The following WDR64 variants were observed in gnomAD, a reference collection of about 807,000 sequenced individuals.
WDR64 encodes WD repeat domain 64.
WDR64 carries 112 observed loss-of-function variants against 139.3 expected under a neutral mutation model. That is an observed-to-expected ratio of 0.80 (90% CI 0.69 to 0.94). The LOEUF (loss-of-function observed/expected upper bound fraction) is 0.94. Among genes scored for constraint, WDR64 ranks in the 40% least tolerant of loss-of-function variants. The pLI is 0.00. For missense variants in WDR64, 1,206 were observed against 1,293.1 expected (o/e 0.93, Z 1.03); for synonymous variants, 444 against 437.7 (o/e 1.01, Z -0.18).
chr1:241,777,444 G>A (rs1658694436), intron 21 of WDR64, among the ~76,000 whole-genome samples: 1 of 148,708 alleles, frequency 6.7e-6, no homozygotes, highest in Admixed American at 6.7e-5. Flanking sequence ...TTAAAACAGA[G>A]TCTCGCTCTA....
At chr1:241,665,401 T>TA in intron 2 of WDR64, among the ~76,000 whole-genome samples, 1 of 152,220 alleles carries the variant, frequency 6.6e-6, no homozygotes, top group East Asian at 1.9e-4. Context: ...ATGGATTACC[T>TA]AGTGTTTTCT....
intron 11 of WDR64, 102 bp from the exon 12 acceptor site, chr1:241,741,414 C>A: frequency 1.1e-6 from 1 of 928,106 alleles, no homozygotes; most frequent in Non-Finnish European, 1.6e-6. Context: ...TATTGCTAAT[C>A]TCACTGTTTG....
chr1:241,800,066 C>T (rs903622040), intron 27 of WDR64, among the ~76,000 whole-genome samples: 1 of 152,082 alleles, frequency 6.6e-6, no homozygotes, highest in African/African-American at 2.4e-5. Context: ...GAAACATTTG[C>T]TGAATGAAAT....
intron 26 of WDR64, 88 bp from the exon 27 acceptor site, chr1:241,796,169 C>A: frequency 1.4e-6 from 1 of 723,928 alleles, no homozygotes; most frequent in Non-Finnish European, 2.2e-6. Context: ...AGCAGCTGGG[C>A]CTTCTCACTC....
intron 15 of WDR64, among the ~76,000 whole-genome samples, chr1:241,765,639 T>C (rs1462203401): frequency 6.6e-6 from 1 of 152,186 alleles, no homozygotes; most frequent in Admixed American, 6.6e-5. Context: ...TCAAGTTACA[T>C]GCGTGCCTCC....
intron 13 of WDR64, among the ~76,000 whole-genome samples, chr1:241,748,669 G>A (rs1574066425): frequency 1.3e-5 from 2 of 152,146 alleles, no homozygotes; most frequent in Non-Finnish European, 2.9e-5. Context: ...GCCGGGCACG[G>A]TGGCTCCTGC....
chr1:241,763,048 G>A (rs1345516329), intron 15 of WDR64, among the ~76,000 whole-genome samples: 2 of 151,988 alleles, frequency 1.3e-5, no homozygotes, highest in Admixed American at 6.5e-5. Flanking sequence ...GCATGTCCTC[G>A]TAGACCAATT....
intron 10 of WDR64, among the ~76,000 whole-genome samples, chr1:241,725,496 A>G (rs368519212): frequency 1.5e-4 from 23 of 151,048 alleles, no homozygotes; most frequent in East Asian, 1.4e-3. Flanking sequence ...AGCAATCGGG[A>G]TCTCCAAGGC....
chr1:241,754,542 T>A (rs1156264000), intron 14 of WDR64, among the ~76,000 whole-genome samples: 1 of 151,998 alleles, frequency 6.6e-6, no homozygotes, highest in Non-Finnish European at 1.5e-5. Context: ...ATAGTCTCAA[T>A]CTCTTGACCT....
intron 8 of WDR64, among the ~76,000 whole-genome samples, chr1:241,697,852 C>T (rs554188765): frequency 7.2e-5 from 11 of 152,160 alleles, no homozygotes; most frequent in Non-Finnish European, 1.6e-4. Flanking sequence ...TCTCACCCAC[C>T]CTGAAACTAT....
chr1:241,735,827 C>A (rs1334410883), intron 10 of WDR64, among the ~76,000 whole-genome samples: 2 of 87,444 alleles, frequency 2.3e-5, no homozygotes, highest in South Asian at 4.0e-4. Context: ...CTTTCTATCT[C>A]TCTCTCTCTC....
intron 10 of WDR64, among the ~76,000 whole-genome samples, chr1:241,723,969 AAAAT>A (rs1391223693): frequency 1.3e-5 from 2 of 152,002 alleles, no homozygotes; most frequent in Non-Finnish European, 2.9e-5. Flanking sequence ...AAATTTCTAA[AAAAT>A]AAATAAGGAA....
At chr1:241,682,702 T>C (rs1261445454) in intron 6 of WDR64, among the ~76,000 whole-genome samples, 2 of 152,198 alleles carry the variant, frequency 1.3e-5, no homozygotes, top group Admixed American at 1.3e-4. Flanking sequence ...CCTCTCAACC[T>C]CCTCTTAATC....
intron 10 of WDR64, among the ~76,000 whole-genome samples, chr1:241,726,119 C>G (rs1384720416): frequency 6.6e-6 from 1 of 151,786 alleles, no homozygotes; most frequent in Non-Finnish European, 1.5e-5. Flanking sequence ...CTATGTTGCC[C>G]GAACTTCTGG....
At chr1:241,705,604 C>T (rs1667922562) in intron 8 of WDR64, among the ~76,000 whole-genome samples, 1 of 138,926 alleles carries the variant, frequency 7.2e-6, no homozygotes, top group African/African-American at 2.6e-5. Flanking sequence ...ATAAAAGATA[C>T]AAGGTCTTAA....
intron 10 of WDR64, among the ~76,000 whole-genome samples, chr1:241,729,763 A>G (rs977775484): frequency 6.6e-6 from 1 of 152,182 alleles, no homozygotes. Context: ...GTTACCTTCA[A>G]GTTTTAAAAA....
chr1:241,788,128 A>G, intron 24 of WDR64, 94 bp downstream of exon 24: 2 of 1,169,250 alleles, frequency 1.7e-6, no homozygotes, highest in South Asian at 3.6e-5. Context: ...TCAAGGCAAG[A>G]GGTCCAGAAC....
chr1:241,748,679 C>T (rs967549740), intron 13 of WDR64, among the ~76,000 whole-genome samples: 1 of 152,058 alleles, frequency 6.6e-6, no homozygotes, highest in African/African-American at 2.4e-5. Flanking sequence ...GTGGCTCCTG[C>T]CTGTAATCCC....
chr1:241,685,823 GT>G (rs1233826863), intron 7 of WDR64, among the ~76,000 whole-genome samples: 1 of 152,164 alleles, frequency 6.6e-6, no homozygotes, highest in Non-Finnish European at 1.5e-5. Flanking sequence ...TCCCCAATCT[GT>G]GATGTGCTGC....
Sources: gnomAD v4.1 joint callset for allele counts (sites outside exome capture counted in the v4.1 genomes callset) on GRCh38, gnomAD v4.1.1 for gene constraint, MANE v1.5 for transcripts, NCBI Gene and HGNC (gene_info 2026-07-23, HGNC 2026-07-21) for gene names.